CERS3: variants seen among roughly 807,000 people sequenced by gnomAD.
CERS3 encodes the protein ceramide synthase 3, also known as LAG1 homolog, ceramide synthase 3.
Under a neutral mutation model 50.3 loss-of-function variants are expected in CERS3, and 33 were observed. The ratio of observed to expected loss-of-function variants is 0.66; its 90% CI spans 0.50 to 0.88. The LOEUF (loss-of-function observed/expected upper bound fraction) is 0.88. Among genes scored for constraint, CERS3 ranks in the 40% least tolerant of loss-of-function variants. CERS3 has a pLI of 0.00. For synonymous variants in CERS3, 176 were observed against 155.2 expected, an observed-to-expected ratio of 1.13 and a Z score of -0.99; for missense variants, 470 against 460.3, an observed-to-expected ratio of 1.02 and a Z score of -0.19.
chr15:100,441,538 CCA>C (rs2033683426), intron 11 of CERS3, among the ~76,000 whole-genome samples: 1 of 151,924 alleles, frequency 6.6e-6, no homozygotes, highest in East Asian at 1.9e-4. Flanking sequence ...GGGCAACCTT[CCA>C]CCCTCCATTC....
At chr15:100,521,078 G>A (rs2036625400) in intron 2 of CERS3, among the ~76,000 whole-genome samples, 1 of 152,164 alleles carries the variant, frequency 6.6e-6, no homozygotes, top group Admixed American at 6.5e-5. Context: ...GAGAGATAAA[G>A]TGACTGCTCA....
chr15:100,505,709 T>C lies in CERS3; in HGVS notation c.-1-3859A>G, dbSNP rs555321167. ...TCGAGTTAGGCAAAGCCTTGTTATATATCAAAAGCACAAGCAGGCTGGGTG... is the reference window on the plus strand; with the variant it reads ...TCGAGTTAGGCAAAGCCTTGTTATACATCAAAAGCACAAGCAGGCTGGGTG... On this transcript the variant is annotated intron_variant, in intron 2 of 11. Coordinates refer to ENST00000679737, the MANE Select transcript of CERS3 (RefSeq NM_001378789.1). Among the ~76,000 whole-genome samples the C allele has an allele frequency of 1.0e-3, 156 of 152,308 alleles. 1 individual carries two copies. The highest frequency in any genetic ancestry group is 1.4e-3 in the Non-Finnish European group (98 of 68,016).
chr15:100,449,032 T>A (rs1418141948), intron 11 of CERS3, among the ~76,000 whole-genome samples: 1 of 152,172 alleles, frequency 6.6e-6, no homozygotes, highest in Non-Finnish European at 1.5e-5. Flanking sequence ...TGCCCCTGCC[T>A]ACCACAACCA....
chr15:100,456,705 G>T (rs988989431), intron 10 of CERS3, among the ~76,000 whole-genome samples: 3 of 152,144 alleles, frequency 2.0e-5, no homozygotes, highest in Admixed American at 2.0e-4. Flanking sequence ...CCAGCACTTT[G>T]GGAGGCCAAG....
chr15:100,404,967 G>A (rs996620609), intron 11 of CERS3, among the ~76,000 whole-genome samples: 1 of 152,120 alleles, frequency 6.6e-6, no homozygotes, highest in Non-Finnish European at 1.5e-5. Context: ...ACAAAAGCCA[G>A]CTTAATGGAT....
At chr15:100,450,044 C>T (rs565270935) in intron 11 of CERS3, among the ~76,000 whole-genome samples, 6 of 151,432 alleles carry the variant, frequency 4.0e-5, no homozygotes, top group African/African-American at 4.9e-5. Context: ...AGATAGAGAT[C>T]GTAAAAAAAA....
At chr15:100,484,028 A>G (rs540868379) in intron 5 of CERS3, among the ~76,000 whole-genome samples, 80 of 151,888 alleles carry the variant, frequency 5.3e-4, no homozygotes, top group African/African-American at 1.8e-3. Flanking sequence ...CTGGGAAACC[A>G]AGAGGATGGG....
intron 2 of CERS3, among the ~76,000 whole-genome samples, chr15:100,504,895 T>C (rs958156495): frequency 1.3e-5 from 2 of 152,206 alleles, no homozygotes; most frequent in Non-Finnish European, 2.9e-5. Flanking sequence ...GAAATCTATT[T>C]TGAAGTACTT....
rs545692227 is a variant in CERS3, at chr15:100,445,065, A to G, written c.999+10828T>C. ...CTCACCAAGCTCAGCCACCAACTTA[A>G]AAAGGACTGGACAATACTTTTACCA... On this transcript the variant is annotated intron_variant, in intron 11 of 11. Transcript: ENST00000679737. Among the ~76,000 whole-genome samples the G allele has an allele frequency of 6.7e-4, 101 of 151,052 alleles. 1 individual carries two copies. The South Asian group carries it at 0.021, about 31-fold the overall frequency.
chr15:100,412,077 T>C (rs369924702), intron 11 of CERS3, among the ~76,000 whole-genome samples: 15 of 152,332 alleles, frequency 9.8e-5, no homozygotes, highest in East Asian at 5.8e-4. Flanking sequence ...TTTAACTCTG[T>C]TGATGGTGTC....
chr15:100,458,415 T>G (rs1195853921), intron 10 of CERS3, among the ~76,000 whole-genome samples: 1 of 152,016 alleles, frequency 6.6e-6, no homozygotes, highest in East Asian at 1.9e-4. Flanking sequence ...TGAAACCCCA[T>G]ATCTACTAAA....
At chr15:100,411,343 G>A (rs950277416) in intron 11 of CERS3, among the ~76,000 whole-genome samples, 2 of 152,004 alleles carry the variant, frequency 1.3e-5, no homozygotes, top group Non-Finnish European at 2.9e-5. Flanking sequence ...TGTATTTTTA[G>A]TAGAGACGGG....
At chr15:100,503,815 C>T in intron 2 of CERS3, 1 of 462,600 alleles carries the variant, frequency 2.2e-6, no homozygotes, top group South Asian at 1.6e-5. Flanking sequence ...GAAGGTTTGG[C>T]CAGAGCAGTG....
Position 100,402,812 on chromosome 15 carries a change from C to A in CERS3, c.1053G>T (p.Glu351Asp). The change falls in exon 12 of 12, where the codon GAG becomes GAT. Residue 351 changes from glutamate to aspartate, a missense_variant. Transcript: ENST00000679737. ...TGCCTTTGGTAGCCTCTTCTTCTTC[C>A]TCTTCCTCTTCCTCTTCATAATCCT... ...DDEDYEEEEE[E>D]EEEEATKGKE... 1 of 1,612,236 alleles carries A rather than the reference C, an allele frequency of 6.2e-7. No homozygotes were observed. Among genetic ancestry groups the A allele is most frequent in the Non-Finnish European group, 8.5e-7 (1 of 1,179,208 alleles).
At chr15:100,417,777 ACCCCTGG>A (rs2032065306) in intron 11 of CERS3, among the ~76,000 whole-genome samples, 1 of 151,716 alleles carries the variant, frequency 6.6e-6, no homozygotes, top group Admixed American at 6.6e-5. Context: ...CTGACCCCTG[ACCCCTGG>A]GCAGCCTAAC....
intron 2 of CERS3, among the ~76,000 whole-genome samples, chr15:100,511,313 G>C (rs936867150): frequency 8.6e-5 from 13 of 151,948 alleles, no homozygotes; most frequent in Non-Finnish European, 1.8e-4. Flanking sequence ...GAAACATTAA[G>C]AGAATAAAAA....
chr15:100,443,227 A>C lies in CERS3; in HGVS notation c.999+12666T>G, dbSNP rs1251447272. Among the ~76,000 whole-genome samples, 8 of 150,770 alleles carry C rather than the reference A, an allele frequency of 5.3e-5. No homozygotes were observed. The South Asian group carries it at 8.4e-4, about 16-fold the overall frequency. On this transcript the variant is annotated intron_variant, in intron 11 of 11. Transcript: ENST00000679737. ...CTCCCTCCTTGGTGACCGATCATGC[A>C]CCCCTTACCATCTCATTGAAACCTA...
chr15:100,460,659 T>A (rs1253747274), intron 10 of CERS3, among the ~76,000 whole-genome samples: 1 of 152,176 alleles, frequency 6.6e-6, no homozygotes, highest in Admixed American at 6.5e-5. Flanking sequence ...CCCTCCTCAC[T>A]AGCAGGCAAG....
intron 4 of CERS3, among the ~76,000 whole-genome samples, chr15:100,487,114 A>C (rs972041637): frequency 6.6e-6 from 1 of 152,234 alleles, no homozygotes; most frequent in African/African-American, 2.4e-5. Context: ...TCTTGAATTA[A>C]TGTGTGAAAC....
Sources: gnomAD v4.1 joint callset for allele counts (sites outside exome capture counted in the v4.1 genomes callset) on GRCh38, gnomAD v4.1.1 for gene constraint, MANE v1.5 for transcripts, NCBI Gene and HGNC (gene_info 2026-07-23, HGNC 2026-07-21) for gene names.